The following ALOX5 variants were observed in gnomAD, a reference collection of about 807,000 sequenced individuals.
ALOX5 encodes the protein polyunsaturated fatty acid 5-lipoxygenase.
ALOX5 carries 64 observed loss-of-function variants against 87.9 expected under a neutral mutation model. The observed-to-expected ratio is 0.73, with a 90% CI of 0.60 to 0.90. The LOEUF is 0.90. ALOX5 is among the 40% of genes least tolerant of loss of function. ALOX5 has a pLI of 0.00. For synonymous variants in ALOX5, 388 were observed against 355.1 expected (o/e 1.09, Z -1.04); for missense variants, 822 against 907.5 (o/e 0.91, Z 1.21).
chr10:45,421,821 C>A (rs1841517953), intron 4 of ALOX5, among the ~76,000 whole-genome samples: 1 of 152,218 alleles, frequency 6.6e-6, no homozygotes, highest in Non-Finnish European at 1.5e-5. Context: ...TAGCACTGAG[C>A]ACCTACTGTA....
intron 3 of ALOX5, among the ~76,000 whole-genome samples, chr10:45,406,832 A>G (rs965778044): frequency 6.6e-6 from 1 of 152,222 alleles, no homozygotes; most frequent in Non-Finnish European, 1.5e-5. Context: ...ACTTTCCATT[A>G]TCTACACCAC....
At chr10:45,441,297 T>C (rs1454941338) in intron 8 of ALOX5, 47 bp from the exon 9 acceptor site, 1 of 1,563,630 alleles carries the variant, frequency 6.4e-7, no homozygotes, top group Admixed American at 1.7e-5. Context: ...AGGCACCAGG[T>C]CACCTGACTG....
At chr10:45,434,629 A>T (rs2132836903) in intron 7 of ALOX5, among the ~76,000 whole-genome samples, 1 of 152,364 alleles carries the variant, frequency 6.6e-6, no homozygotes, top group Non-Finnish European at 1.5e-5. Context: ...CAAACTGCTA[A>T]GGCAATGGGC....
intron 9 of ALOX5, among the ~76,000 whole-genome samples, chr10:45,441,868 G>A (rs1347842642): frequency 2.6e-5 from 4 of 151,728 alleles, no homozygotes; most frequent in Non-Finnish European, 5.9e-5. Flanking sequence ...CTCCTGCATC[G>A]GGGACTCCAG....
At chr10:45,391,942 G>C (rs554390255) in intron 2 of ALOX5, among the ~76,000 whole-genome samples, 56 of 151,946 alleles carry the variant, frequency 3.7e-4, no homozygotes, top group African/African-American at 1.3e-3. Context: ...CGTCTGGGAA[G>C]TGAGGAGCGT....
intron 3 of ALOX5, among the ~76,000 whole-genome samples, chr10:45,401,840 C>T (rs752341927): frequency 2.0e-5 from 3 of 151,992 alleles, no homozygotes; most frequent in Non-Finnish European, 2.9e-5. Flanking sequence ...AATCTTTAAC[C>T]ATTTGGGAGG....
At position 45,443,198 on chromosome 10, in the gene ALOX5, T is replaced by A. The variant is rs1302305200; in HGVS notation, c.1433T>A (p.Val478Glu). 2 of 1,613,400 alleles carry A rather than the reference T, an allele frequency of 1.2e-6. No homozygotes were observed. The highest frequency in any genetic ancestry group is 2.2e-5 in the South Asian group (2 of 91,056). Residue 478 changes from valine (V) to glutamate (E), a missense_variant, in exon 10 of 14, where the codon GTG becomes GAG. Physicochemically the swap from Val to Glu is moderately radical, Grantham distance 121. Coordinates refer to ENST00000374391, the MANE Select transcript of ALOX5 (RefSeq NM_000698.5). ...TTCTACCGGGACGACGGGCTCCTGG[T>A]GTGGGAAGCCATCAGGACGTGAGCG... Reference protein sequence around the residue: ...YYFYRDDGLLVWEAIRTFTAE... With the variant: ...YYFYRDDGLLEWEAIRTFTAE...
intron 13 of ALOX5, chr10:45,444,487 A>T: frequency 1.5e-6 from 1 of 665,532 alleles, no homozygotes; most frequent in Non-Finnish European, 2.4e-6. Context: ...TGTGCAGGGC[A>T]GGAGAGCACA....
intron 4 of ALOX5, among the ~76,000 whole-genome samples, chr10:45,414,280 A>G (rs1841184024): frequency 6.6e-6 from 1 of 152,048 alleles, no homozygotes; most frequent in African/African-American, 2.4e-5. Context: ...CAGAAATAAC[A>G]CCACACATCT....
At chr10:45,411,765 G>A (rs1841072406) in intron 3 of ALOX5, among the ~76,000 whole-genome samples, 1 of 152,212 alleles carries the variant, frequency 6.6e-6, no homozygotes, top group Admixed American at 6.5e-5. Context: ...GCAGTCCAGG[G>A]CACACACTGA....
rs775103997 is a variant in ALOX5, at chr10:45,382,623, G to A, written c.291G>A (p.Glu97=). ...TLKTPHGDYI[E]FPCYRWITGD... is the part of the protein sequence containing the mutation. The stretch of plus-strand genomic sequence containing the variant: ...AGACGCCCCACGGGGACTACATCGA[G>A]TTCCCCTGCTACCGCTGGATCACCG... Residue 97 remains glutamate (E), a synonymous_variant, in exon 2 of 14, where the codon GAG becomes GAA. Transcript: ENST00000374391. The A allele has an allele frequency of 1.9e-6, 3 of 1,614,108 alleles. No individual in the cohort carries two copies. The highest frequency in any genetic ancestry group is 2.2e-5 in the South Asian group (2 of 91,078).
intron 4 of ALOX5, among the ~76,000 whole-genome samples, chr10:45,418,848 G>T (rs1484808312): frequency 6.6e-6 from 1 of 152,266 alleles, no homozygotes; most frequent in African/African-American, 2.4e-5. Flanking sequence ...GGGTGGCAGG[G>T]CTGAAAAGAC....
chr10:45,424,657 C>A (rs529177834), intron 5 of ALOX5, among the ~76,000 whole-genome samples: 145 of 152,340 alleles, frequency 9.5e-4, no homozygotes, highest in African/African-American at 3.3e-3. Flanking sequence ...ACTTGGCAAA[C>A]TGCCCCCAGG....
At chr10:45,391,097 A>C (rs1446829076) in intron 2 of ALOX5, among the ~76,000 whole-genome samples, 14 of 30,014 alleles carry the variant, frequency 4.7e-4, no homozygotes, top group East Asian at 1.6e-3. Flanking sequence ...CCCTCTCCCC[A>C]CGGTCTCCCT....
intron 2 of ALOX5, among the ~76,000 whole-genome samples, chr10:45,387,837 G>A (rs1040472199): frequency 1.4e-4 from 22 of 152,184 alleles, no homozygotes; most frequent in African/African-American, 5.1e-4. Context: ...CAAGATGGCC[G>A]AATAGGAACA....
intron 9 of ALOX5, 21 bp downstream of exon 9, chr10:45,441,451 C>T (rs1447600682): frequency 1.9e-6 from 3 of 1,609,370 alleles, no homozygotes; most frequent in South Asian, 2.2e-5. Context: ...TCCTACCCTA[C>T]TTGTTGCCTG....
chr10:45,398,173 A>G (rs559691720), intron 3 of ALOX5, among the ~76,000 whole-genome samples: 1 of 152,372 alleles, frequency 6.6e-6, no homozygotes, highest in East Asian at 1.9e-4. Flanking sequence ...TAGACTTGAG[A>G]GTCCAGAAAT....
At chr10:45,430,503 C>G (rs1233217694) in intron 7 of ALOX5, among the ~76,000 whole-genome samples, 1 of 151,626 alleles carries the variant, frequency 6.6e-6, no homozygotes, top group Non-Finnish European at 1.5e-5. Flanking sequence ...CATGGTGGTA[C>G]ACAACTGTAG....
At position 45,443,213 on chromosome 10, in the gene ALOX5, G is replaced by C. The variant is rs770292749; in HGVS notation, c.1448G>C (p.Arg483Thr). ...DDGLLVWEAI[R>T]TFTAEVVDIY... The stretch of plus-strand genomic sequence containing the variant: ...GGGCTCCTGGTGTGGGAAGCCATCA[G>C]GACGTGAGCGCCCGCGGGGCGGTGG... Residue 483 changes from arginine to threonine, a missense_variant, in exon 10 of 14, where the codon AGG becomes ACG. Coordinates refer to ENST00000374391, the MANE Select transcript of ALOX5 (RefSeq NM_000698.5). 1 of 1,612,622 alleles carries C rather than the reference G, an allele frequency of 6.2e-7. No individual in the cohort carries two copies.
Sources: gnomAD v4.1 joint callset for allele counts (sites outside exome capture counted in the v4.1 genomes callset) on GRCh38, gnomAD v4.1.1 for gene constraint, MANE v1.5 for transcripts, NCBI Gene and HGNC (gene_info 2026-07-23, HGNC 2026-07-21) for gene names.